The following TOP1 variants were observed in gnomAD, a reference collection of about 807,000 sequenced individuals.
TOP1 encodes the protein DNA topoisomerase 1.
In TOP1, 10 loss-of-function variants were observed where a neutral mutation model predicts 111.1. The ratio of observed to expected loss-of-function variants is 0.09; its 90% CI spans 0.06 to 0.15. TOP1 has a LOEUF of 0.15. Ranked by LOEUF, TOP1 falls within the 10% of genes least tolerant of loss-of-function variation. The probability of loss-of-function intolerance (pLI) is 1.00; values close to 1 mark genes in which losing one functional copy is unlikely to be tolerated. For synonymous variants in TOP1, 271 were observed against 302.9 expected, an observed-to-expected ratio of 0.89 and a Z score of 1.10; for missense variants, 474 against 926.7, an observed-to-expected ratio of 0.51 and a Z score of 6.34.
At chr20:41,090,791 G>A (rs1211257932) in intron 8 of TOP1, among the ~76,000 whole-genome samples, 1 of 152,148 alleles carries the variant, frequency 6.6e-6, no homozygotes, top group African/African-American at 2.4e-5. Flanking sequence ...CAGGTGTGAG[G>A]TACTCTGCCC....
In TOP1 at chr20:41,114,166, G is replaced by A. The variant is rs1167212662; in HGVS notation, c.1638+11G>A. ...CCTGTTGAGAAACGAGTAAGTTAAT[G>A]TACCTGTACTGTCTGACTTGTTTTC... On this transcript the variant is annotated intron_variant, in intron 15 of 20. Coordinates refer to ENST00000361337, the MANE Select transcript of TOP1 (RefSeq NM_003286.4). The surrounding 1 kb of genome is among the most constrained non-coding windows in gnomAD (Gnocchi z 4.5). 2 of 1,604,636 alleles carry A rather than the reference G, an allele frequency of 1.2e-6. No homozygotes were observed. Among genetic ancestry groups the A allele is most frequent in the Admixed American group, 1.7e-5 (1 of 59,646 alleles).
At chr20:41,077,234 T>C (rs1355883325) in intron 4 of TOP1, among the ~76,000 whole-genome samples, 2 of 152,202 alleles carry the variant, frequency 1.3e-5, no homozygotes, top group African/African-American at 2.4e-5. Flanking sequence ...TTATATGTTT[T>C]GTTTGTTTGG....
chr20:41,033,382 CT>C (rs1169618370), intron 2 of TOP1, among the ~76,000 whole-genome samples: 1 of 143,652 alleles, frequency 7.0e-6, no homozygotes, highest in Non-Finnish European at 1.5e-5. Context: ...TTGAGTCTGA[CT>C]TTTTCCCCTT....
rs188894686 is a variant in TOP1, at chr20:41,050,594, G to A, written c.59-10800G>A. Among the ~76,000 whole-genome samples, 14 of 152,314 alleles carry A rather than the reference G, an allele frequency of 9.2e-5. 1 individual carries two copies. The South Asian group carries it at 2.7e-3, about 29-fold the overall frequency. Reference sequence around the variant, plus strand: ...TGTCCTGGATTGAAACTGGACCAACGTTGGTATAGTCTGAATTTGAGGAGT... The same window carrying A: ...TGTCCTGGATTGAAACTGGACCAACATTGGTATAGTCTGAATTTGAGGAGT... On this transcript the variant is annotated intron_variant, in intron 2 of 20. Coordinates refer to ENST00000361337, the MANE Select transcript of TOP1 (RefSeq NM_003286.4).
At chr20:41,038,581 G>T (rs1407811262) in intron 2 of TOP1, among the ~76,000 whole-genome samples, 5 of 152,174 alleles carry the variant, frequency 3.3e-5, no homozygotes, top group Non-Finnish European at 7.3e-5. Context: ...AGAAAGGCTG[G>T]CTCAGGAGGG....
At chr20:41,073,818 G>T (rs547558269) in intron 3 of TOP1, among the ~76,000 whole-genome samples, 10 of 152,300 alleles carry the variant, frequency 6.6e-5, no homozygotes, top group African/African-American at 1.4e-4. Context: ...TTAGAAAGTA[G>T]AATTTTGTTT....
chr20:41,077,647 T>C lies in TOP1; in HGVS notation c.335+10T>C, dbSNP rs1177697013. ...AAAATGGCTTCTCTAGGTAAGACTT[T>C]GCTGCTGCGTGGGCTTCCCTTTCTC... On this transcript the variant is annotated intron_variant, in intron 5 of 20. Coordinates refer to ENST00000361337, the MANE Select transcript of TOP1 (RefSeq NM_003286.4). 9 of 1,613,368 alleles carry C rather than the reference T, an allele frequency of 5.6e-6. No individual in the cohort carries two copies. Among genetic ancestry groups the C allele is most frequent in the Non-Finnish European group, 6.8e-6 (8 of 1,179,416 alleles).
intron 2 of TOP1, among the ~76,000 whole-genome samples, chr20:41,031,159 C>T (rs1222639699): frequency 6.6e-6 from 1 of 152,048 alleles, no homozygotes; most frequent in Non-Finnish European, 1.5e-5. Context: ...TTCTTAAGTA[C>T]GTTTAACCAA....
rs11483526 is a variant in TOP1 at position 41,098,834 on chromosome 20, T to TA, written c.975+515dup. ...TTCTTCTACAGGCTGCCTGTTTTTG[T>TA]AAAAAAAAAAAAAAAAAATTTATTG... On this transcript the variant is annotated intron_variant, in intron 11 of 20. Transcript: ENST00000361337. The surrounding 1 kb of genome is among the most constrained non-coding windows in gnomAD (Gnocchi z 5.7). 8,248 of 136,920 alleles carry TA rather than the reference T, an allele frequency of 0.06. 273 individuals are homozygous for TA. The highest frequency in any genetic ancestry group is 0.11 in the South Asian group (484 of 4,290). 8.5% of individuals were successfully genotyped at this position (136,920 alleles called of 1,614,324 possible).
chr20:41,116,319 C>T lies in TOP1; in HGVS notation c.1749C>T (p.Gly583=). 6.2e-7 allele frequency: 1 copy of T among 1,613,204 alleles called. No homozygotes were observed. The highest frequency in any genetic ancestry group is 1.1e-5 in the South Asian group (1 of 91,038). The change falls in exon 17 of 21, where the codon GGC becomes GGT. Residue 583 remains glycine, a synonymous_variant. Transcript: ENST00000361337. This position sits in a 1 kb window ranked among gnomAD's most constrained non-coding sequence, Gnocchi z 5.6. ...AGCATCTTCAGGATCTCATGGAGGG[C>T]TTGACAGCCAAGGTATTCCGTACAT... ...LNKHLQDLME[G]LTAKVFRTYN...
intron 2 of TOP1, among the ~76,000 whole-genome samples, chr20:41,047,294 G>C (rs757899506): frequency 2.6e-5 from 4 of 152,222 alleles, no homozygotes; most frequent in Non-Finnish European, 5.9e-5. Flanking sequence ...ATAGAAGGTG[G>C]TATTTTTACT....
chr20:41,033,367 A>T (rs62209451), intron 2 of TOP1, among the ~76,000 whole-genome samples: 1 of 137,836 alleles, frequency 7.3e-6, no homozygotes, highest in Non-Finnish European at 1.6e-5. Flanking sequence ...AAAAAAAAAA[A>T]GGAATTGAGT....
Position 41,032,652 on chromosome 20 carries a change from T to C in TOP1, c.58+3197T>C, listed in dbSNP as rs1600549030. ...CACAATACTTGGCTCCATCAGTCTT[T>C]AGTCTAAGAAGTGATATATAGGATC... On this transcript the variant is annotated intron_variant, in intron 2 of 20. Coordinates refer to ENST00000361337, the MANE Select transcript of TOP1 (RefSeq NM_003286.4). This position sits in a 1 kb window ranked among gnomAD's most constrained non-coding sequence, Gnocchi z 4.3. Among the ~76,000 whole-genome samples, 1 of 152,358 alleles carries C rather than the reference T, an allele frequency of 6.6e-6. No individual in the cohort carries two copies. Among genetic ancestry groups the C allele is most frequent in the South Asian group, 2.1e-4 (1 of 4,832 alleles).
In TOP1 at chr20:41,029,654, T is replaced by C; in HGVS notation, c.58+199T>C. ...CCCCAGCTCCTCCAGATCCCGGCCC[T>C]CCCAAGAGGGGACAACGGAGACCCC... On this transcript the variant is annotated intron_variant, in intron 2 of 20. Coordinates refer to ENST00000361337, the MANE Select transcript of TOP1 (RefSeq NM_003286.4). This position sits in a 1 kb window ranked among gnomAD's most constrained non-coding sequence, Gnocchi z 6.1. 1 of 667,050 alleles carries C rather than the reference T, an allele frequency of 1.5e-6. No homozygotes were observed. Among genetic ancestry groups the C allele is most frequent in the Non-Finnish European group, 2.7e-6 (1 of 367,280 alleles). The allele number at this position is 667,050 out of a possible 1,614,324, so 41.3% of individuals were successfully genotyped here. A position where few individuals can be genotyped will look rare whatever the true frequency, so the allele number is the denominator to read the frequency against.
At position 41,031,239 on chromosome 20, in the gene TOP1, C is replaced by A. The variant is rs1203813283; in HGVS notation, c.58+1784C>A. Among the ~76,000 whole-genome samples the A allele has an allele frequency of 2.6e-5, 4 of 152,276 alleles. No homozygotes were observed. The East Asian group carries it at 5.8e-4, about 22-fold the overall frequency. On this transcript the variant is annotated intron_variant, in intron 2 of 20. Coordinates refer to ENST00000361337, the MANE Select transcript of TOP1 (RefSeq NM_003286.4). The stretch of plus-strand genomic sequence containing the variant: ...AGAAAGCCACAGTATAGACATGTTT[C>A]TTTGGGATACAGGAGCAAAGAAAGG...
rs766516532 is a variant in TOP1, at chr20:41,076,186, T to G, written c.171T>G (p.Ser57=). ...SKHSNSEHKD[S]EKKHKEKEKT... ...CTTTTTACAGTGAACATAAAGATTC[T>G]GAAAAGAAACACAAAGAGAAGGAGA... The change falls in exon 4 of 21, where the codon TCT becomes TCG. Residue 57 remains serine (S), a synonymous_variant. Transcript: ENST00000361337. 6.2e-7 allele frequency: 1 copy of G among 1,609,774 alleles called. No individual in the cohort carries two copies.
intron 2 of TOP1, among the ~76,000 whole-genome samples, chr20:41,037,679 A>G (rs758176218): frequency 6.6e-6 from 1 of 152,260 alleles, no homozygotes; most frequent in Non-Finnish European, 1.5e-5. Flanking sequence ...GTAATGGCTC[A>G]TAAGTCTAGC....
intron 11 of TOP1, among the ~76,000 whole-genome samples, chr20:41,099,849 A>G (rs879520416): frequency 1.3e-5 from 2 of 152,328 alleles, no homozygotes; most frequent in Middle Eastern, 3.4e-3. Context: ...TCTAGTTGAA[A>G]TCAATCCTTA....
intron 18 of TOP1, among the ~76,000 whole-genome samples, chr20:41,120,390 G>T (rs958545955): frequency 6.6e-6 from 1 of 152,186 alleles, no homozygotes; most frequent in African/African-American, 2.4e-5. Flanking sequence ...TCCAGGTTCA[G>T]TGAGCAGCCC....
Sources: gnomAD v4.1 joint callset for allele counts (sites outside exome capture counted in the v4.1 genomes callset) on GRCh38, gnomAD v4.1.1 for gene constraint, Gnocchi (gnomAD v3.1) non-coding constraint, MANE v1.5 for transcripts, NCBI Gene and HGNC (gene_info 2026-07-23, HGNC 2026-07-21) for gene names.